The following RGS21 variants were observed in gnomAD, a reference collection of about 807,000 sequenced individuals.
RGS21 encodes the protein regulator of G-protein signalling 21.
Under a neutral mutation model 18.7 loss-of-function variants are expected in RGS21, and 19 were observed. That is an observed-to-expected ratio of 1.01 (90% CI 0.71 to 1.49). The LOEUF (loss-of-function observed/expected upper bound fraction) is 1.49. Ranked by LOEUF, RGS21 falls within the 40% of genes most tolerant of loss-of-function variation. The pLI is 0.00. For synonymous variants in RGS21, 56 were observed against 57.8 expected (o/e 0.97, Z 0.14); for missense variants, 194 against 176.8 (o/e 1.10, Z -0.55).
At chr1:192,355,538 A>G (rs113020173) in intron 4 of RGS21, among the ~76,000 whole-genome samples, 503 of 149,608 alleles carry the variant, frequency 3.4e-3, no homozygotes, top group African/African-American at 0.012. Context: ...AATATAGCAG[A>G]AAAAAAAAAT....
At chr1:192,335,864 G>A (rs1264192131) in intron 1 of RGS21, among the ~76,000 whole-genome samples, 1 of 152,154 alleles carries the variant, frequency 6.6e-6, no homozygotes, top group African/African-American at 2.4e-5. Flanking sequence ...GTGTGTCTGA[G>A]AGGGAAAACA....
At chr1:192,359,306 C>T (rs1303045911) in intron 4 of RGS21, among the ~76,000 whole-genome samples, 1 of 151,990 alleles carries the variant, frequency 6.6e-6, no homozygotes, top group Admixed American at 6.6e-5. Context: ...GTTCAGCCCA[C>T]ACTCTGCAGT....
chr1:192,344,112 G>A (rs758254541), intron 2 of RGS21, among the ~76,000 whole-genome samples: 6 of 151,888 alleles, frequency 4.0e-5, no homozygotes, highest in Admixed American at 1.3e-4. Context: ...GAATAATATT[G>A]TTCATGAATT....
chr1:192,342,873 T>A, intron 1 of RGS21, 104 bp from the exon 2 acceptor site: 1 of 602,826 alleles, frequency 1.7e-6, no homozygotes, highest in Non-Finnish European at 3.0e-6. Flanking sequence ...ATAACAAAAA[T>A]AAAAAAGCTG....
intron 1 of RGS21, among the ~76,000 whole-genome samples, chr1:192,320,972 G>C (rs144340235): frequency 6.6e-6 from 1 of 151,642 alleles, no homozygotes; most frequent in African/African-American, 2.4e-5. Flanking sequence ...TATTTTTAAA[G>C]GATTGACTGT....
chr1:192,344,426 C>T (rs1166798921), intron 2 of RGS21, among the ~76,000 whole-genome samples: 1 of 152,004 alleles, frequency 6.6e-6, no homozygotes, highest in Non-Finnish European at 1.5e-5. Context: ...ATCTCTGACC[C>T]TCTTTACTCT....
intron 1 of RGS21, among the ~76,000 whole-genome samples, chr1:192,322,713 C>T (rs1395355557): frequency 6.6e-6 from 1 of 152,080 alleles, no homozygotes; most frequent in East Asian, 1.9e-4. Context: ...CCAGATTTCA[C>T]TGCCTATTGT....
intron 1 of RGS21, among the ~76,000 whole-genome samples, chr1:192,321,538 G>A (rs948261674): frequency 1.3e-5 from 2 of 151,600 alleles, no homozygotes; most frequent in African/African-American, 4.8e-5. Context: ...TATAACTTTA[G>A]GTACCAAACA....
intron 1 of RGS21, among the ~76,000 whole-genome samples, chr1:192,332,503 G>A (rs909647045): frequency 3.3e-5 from 5 of 152,074 alleles, no homozygotes; most frequent in African/African-American, 9.7e-5. Flanking sequence ...CTCTAAAATG[G>A]TTAGAATATA....
chr1:192,323,513 T>C (rs943493013), intron 1 of RGS21, among the ~76,000 whole-genome samples: 28 of 151,814 alleles, frequency 1.8e-4, no homozygotes, highest in African/African-American at 6.1e-4. Flanking sequence ...AAATAGATAA[T>C]GGCAAGAGTG....
At chr1:192,321,533 C>T (rs1658497899) in intron 1 of RGS21, among the ~76,000 whole-genome samples, 1 of 151,888 alleles carries the variant, frequency 6.6e-6, no homozygotes, top group African/African-American at 2.4e-5. Flanking sequence ...CTGATTATAA[C>T]TTTAGGTACC....
At chr1:192,349,743 G>A (rs7518733) in intron 3 of RGS21, among the ~76,000 whole-genome samples, 48,305 of 151,892 alleles carry the variant, frequency 0.32, 8,928 homozygotes, top group African/African-American at 0.5. Flanking sequence ...CAACCTACAG[G>A]AGGAGGAAAG....
At chr1:192,341,501 A>C (rs1466300834) in intron 1 of RGS21, among the ~76,000 whole-genome samples, 2 of 152,090 alleles carry the variant, frequency 1.3e-5, no homozygotes, top group Admixed American at 6.6e-5. Flanking sequence ...CTAATAAGAA[A>C]GCTTATTTCC....
intron 1 of RGS21, among the ~76,000 whole-genome samples, chr1:192,322,376 G>C (rs1001070448): frequency 6.6e-5 from 10 of 152,012 alleles, no homozygotes; most frequent in African/African-American, 2.4e-4. Flanking sequence ...CCACAGGAAG[G>C]CTCTCTTAGG....
At chr1:192,330,314 AC>A (rs1333380518) in intron 1 of RGS21, among the ~76,000 whole-genome samples, 1 of 152,214 alleles carries the variant, frequency 6.6e-6, no homozygotes, top group Non-Finnish European at 1.5e-5. Flanking sequence ...ACAACTAAAG[AC>A]GGTGAGGTTA....
At chr1:192,347,186 T>G in intron 2 of RGS21, 127 bp from the exon 3 acceptor site, 1 of 623,074 alleles carries the variant, frequency 1.6e-6, no homozygotes, top group Non-Finnish European at 2.9e-6. Flanking sequence ...TTGTATAATT[T>G]TTTGACATTT....
chr1:192,339,183 A>G (rs1431815025), intron 1 of RGS21, among the ~76,000 whole-genome samples: 1 of 151,950 alleles, frequency 6.6e-6, no homozygotes. Flanking sequence ...CTTTTATGAC[A>G]TTCTTACTTG....
Position 192,337,923 on chromosome 1 carries a change from T to C in RGS21, c.-60-5054T>C, listed in dbSNP as rs114862487. Among the ~76,000 whole-genome samples, 180 of 152,282 alleles carry C rather than the reference T, an allele frequency of 1.2e-3. 1 individual carries two copies. Among genetic ancestry groups the C allele is most frequent in the African/African-American group, 4.3e-3 (177 of 41,570 alleles). ...AAGACATTTTTACTTACATCAGAAA[T>C]CTTGAACTTCTAAATATTTTATTTT... On this transcript the variant is annotated intron_variant, in intron 1 of 4. Transcript: ENST00000417209.
chr1:192,348,055 A>C (rs1658981938), intron 3 of RGS21, among the ~76,000 whole-genome samples: 1 of 143,948 alleles, frequency 6.9e-6, no homozygotes, highest in Non-Finnish European at 1.5e-5. Flanking sequence ...GTCTTGCTTT[A>C]CCACCCAGAC....
Sources: allele counts gnomAD v4.1 joint callset (sites outside exome capture counted in the v4.1 genomes callset), GRCh38; gene constraint gnomAD v4.1.1; transcripts MANE v1.5; gene names NCBI Gene and HGNC (gene_info 2026-07-23, HGNC 2026-07-21).